H2BC5: variants seen among roughly 807,000 people sequenced by gnomAD.
H2BC5 encodes H2B clustered histone 5, also known as histone H2B type 1-D.
A neutral mutation model predicts 5.7 loss-of-function variants in H2BC5; 9 were observed. That is an observed-to-expected ratio of 1.57 (90% CI 0.95 to 2.74). The LOEUF (loss-of-function observed/expected upper bound fraction) is 2.74. Among genes scored for constraint, H2BC5 ranks in the 30% most tolerant of loss-of-function variants. The probability of loss-of-function intolerance (pLI) is 0.00; values close to 1 mark genes in which losing one functional copy is unlikely to be tolerated. For missense variants in H2BC5, 175 were observed against 168.8 expected (o/e 1.04, Z -0.20); for synonymous variants, 133 against 70.9 (o/e 1.88, Z -4.40).
intron 1 of H2BC5, among the ~76,000 whole-genome samples, chr6:26,165,392 G>A (rs527700386): frequency 1.3e-5 from 2 of 152,052 alleles, no homozygotes; most frequent in Non-Finnish European, 2.9e-5. Context: ...AGATATCCTT[G>A]CTATTGCATC....
chr6:26,168,235 G>T (rs1764463929), intron 1 of H2BC5, among the ~76,000 whole-genome samples: 1 of 152,088 alleles, frequency 6.6e-6, no homozygotes, highest in Admixed American at 6.5e-5. Context: ...AAGGCGGGCA[G>T]ATCACCTGAG....
At chr6:26,169,931 G>C (rs936023220) in intron 1 of H2BC5, among the ~76,000 whole-genome samples, 6 of 152,028 alleles carry the variant, frequency 3.9e-5, no homozygotes, top group African/African-American at 1.2e-4. Flanking sequence ...AAAGAAAAAG[G>C]GGGGTGAGGG....
intron 1 of H2BC5, among the ~76,000 whole-genome samples, chr6:26,166,854 C>G (rs1166960523): frequency 6.6e-6 from 1 of 151,570 alleles, no homozygotes; most frequent in East Asian, 1.9e-4. Flanking sequence ...GCATGCACCA[C>G]CATGTCCAAC....
At chr6:26,165,189 C>T (rs949628281) in intron 1 of H2BC5, among the ~76,000 whole-genome samples, 1 of 152,070 alleles carries the variant, frequency 6.6e-6, no homozygotes, top group Non-Finnish European at 1.5e-5. Context: ...TTTAAGTTGC[C>T]TTATTGTGGA....
rs145842136 is a variant in H2BC5, at chr6:26,169,297, G to T, written c.*10-1678G>T. ...CTGGCTTGGGCGCTGCATATACACAGAGAGATATGGTGGTCCTTGACCTCC... is the reference window on the plus strand; with the variant it reads ...CTGGCTTGGGCGCTGCATATACACATAGAGATATGGTGGTCCTTGACCTCC... On this transcript the variant is annotated intron_variant, in intron 1 of 1. Coordinates refer to the H2BC5 transcript ENST00000289316. 4.6e-5 allele frequency among the ~76,000 whole-genome samples: 7 copies of T among 152,290 alleles called. 1 individual carries two copies. The highest frequency in any genetic ancestry group is 1.7e-4 in the African/African-American group (7 of 41,564).
At chr6:26,168,482 T>A in intron 1 of H2BC5, among the ~76,000 whole-genome samples, 1 of 151,294 alleles carries the variant, frequency 6.6e-6, no homozygotes. Context: ...ATAAATAAAT[T>A]AGTAAAAATA....
chr6:26,169,914 AAAAG>A (rs1384276229), intron 1 of H2BC5, among the ~76,000 whole-genome samples: 1 of 152,148 alleles, frequency 6.6e-6, no homozygotes, highest in African/African-American at 2.4e-5. Context: ...AAAAAGAAAA[AAAAG>A]AAAAAGAAAA....
At chr6:26,167,897 A>T (rs540586872) in intron 1 of H2BC5, among the ~76,000 whole-genome samples, 2 of 151,286 alleles carry the variant, frequency 1.3e-5, no homozygotes, top group African/African-American at 4.8e-5. Context: ...ATTTATTTTT[A>T]TTTTTTTATT....
chr6:26,168,939 T>G (rs1187731857), intron 1 of H2BC5, among the ~76,000 whole-genome samples: 1 of 152,148 alleles, frequency 6.6e-6, no homozygotes, highest in Non-Finnish European at 1.5e-5. Context: ...AGAAACAGAT[T>G]GGGCCTTTTT....
At chr6:26,164,223 C>T in intron 1 of H2BC5, 2 of 381,592 alleles carry the variant, frequency 5.2e-6, no homozygotes, top group Non-Finnish European at 1.1e-5. Flanking sequence ...TCTCAGTCTC[C>T]CAGCAGACCT....
At chr6:26,161,918 AATGG>A (rs1183554047), downstream of H2BC5, among the ~76,000 whole-genome samples, 7 of 152,200 alleles carry the variant, frequency 4.6e-5, no homozygotes, top group Non-Finnish European at 2.9e-5. Context: ...AATTTTCTAG[AATGG>A]ATGGATTACT....
chr6:26,167,398 A>C (rs1764448019), intron 1 of H2BC5, among the ~76,000 whole-genome samples: 1 of 152,194 alleles, frequency 6.6e-6, no homozygotes, highest in South Asian at 2.1e-4. Flanking sequence ...GCACCTGGGA[A>C]CAAATGCACT....
intron 1 of H2BC5, chr6:26,163,951 A>C: frequency 3.8e-6 from 1 of 261,424 alleles, no homozygotes; most frequent in South Asian, 4.0e-5. Context: ...CATGTTATTC[A>C]ATATAAACAA....
chr6:26,165,213 A>C (rs555358525), intron 1 of H2BC5, among the ~76,000 whole-genome samples: 2 of 152,280 alleles, frequency 1.3e-5, no homozygotes, highest in East Asian at 3.9e-4. Flanking sequence ...GGAATCCGAA[A>C]TACCCAAATG....
At chr6:26,166,062 T>C (rs756142902) in intron 1 of H2BC5, among the ~76,000 whole-genome samples, 4 of 152,178 alleles carry the variant, frequency 2.6e-5, no homozygotes, top group Non-Finnish European at 5.9e-5. Context: ...TCACTCTCAG[T>C]GGGATCTGGG....
At chr6:26,162,352 T>A (rs1475279345), downstream of H2BC5, among the ~76,000 whole-genome samples, 1 of 152,184 alleles carries the variant, frequency 6.6e-6, no homozygotes, top group African/African-American at 2.4e-5. Context: ...ATTGTTTGCT[T>A]TAATCATCTT....
At chr6:26,160,513 T>TGAA (rs1554163638), downstream of H2BC5, among the ~76,000 whole-genome samples, 1 of 82,772 alleles carries the variant, frequency 1.2e-5, no homozygotes, top group African/African-American at 5.0e-5. Flanking sequence ...ATCCTGTCTC[T>TGAA]GAAAAAAAAA....
At chr6:26,161,836 C>T (rs1476250053), downstream of H2BC5, among the ~76,000 whole-genome samples, 1 of 151,980 alleles carries the variant, frequency 6.6e-6, no homozygotes, top group Admixed American at 6.5e-5. Context: ...CTGACGTTGA[C>T]CTAATCACAG....
downstream of H2BC5, chr6:26,158,723 T>TA: frequency 3.6e-6 from 4 of 1,097,958 alleles, no homozygotes; most frequent in Non-Finnish European, 5.1e-6. Flanking sequence ...ACTTGGAAGT[T>TA]ACAGGGAATA....
Sources: gnomAD v4.1 joint callset for allele counts (sites outside exome capture counted in the v4.1 genomes callset) on GRCh38, gnomAD v4.1.1 for gene constraint, MANE v1.5 for transcripts, NCBI Gene and HGNC (gene_info 2026-07-23, HGNC 2026-07-21) for gene names.